L3MBTL4: variants seen among roughly 807,000 people sequenced by gnomAD.
The protein encoded by L3MBTL4 is lethal(3)malignant brain tumor-like protein 4.
In L3MBTL4, 70 loss-of-function variants were observed where a neutral mutation model predicts 84.5. That is an observed-to-expected ratio of 0.83 (90% CI 0.68 to 1.01). The LOEUF (loss-of-function observed/expected upper bound fraction) is 1.01, where lower values mean the gene tolerates loss of function less well. Among genes scored for constraint, L3MBTL4 ranks in the 50% least tolerant of loss-of-function variants. The probability of loss-of-function intolerance (pLI) is 0.00; values close to 1 mark genes in which losing one functional copy is unlikely to be tolerated. For missense variants in L3MBTL4, 715 were observed against 754.8 expected (o/e 0.95, Z 0.62); for synonymous variants, 274 against 259.8 (o/e 1.05, Z -0.52).
chr18:6,181,143 T>C (rs559493804), intron 12 of L3MBTL4, among the ~76,000 whole-genome samples: 2 of 151,594 alleles, frequency 1.3e-5, no homozygotes, highest in Admixed American at 6.5e-5. Flanking sequence ...GACTTTCTGT[T>C]TGAGGTGAGG....
intron 13 of L3MBTL4, among the ~76,000 whole-genome samples, chr18:6,150,098 A>G (rs2042826966): frequency 6.6e-6 from 1 of 152,166 alleles, no homozygotes; most frequent in Admixed American, 6.5e-5. Flanking sequence ...TAAAAGAGAA[A>G]TTTAGTACAT....
chr18:6,286,400 G>C (rs1419697016), intron 4 of L3MBTL4, among the ~76,000 whole-genome samples: 3 of 151,696 alleles, frequency 2.0e-5, no homozygotes, highest in Non-Finnish European at 4.4e-5. Context: ...GGAGGCAGAG[G>C]TTGCAGTGAG....
chr18:6,081,888 C>A lies in L3MBTL4; in HGVS notation c.1374-937G>T, dbSNP rs140887694. ...GTTAGAGATCTCTTAATCATCAAGACTTTTTATCAAAAAAGCAAGAAACCG... is the reference window on the plus strand; with the variant it reads ...GTTAGAGATCTCTTAATCATCAAGAATTTTTATCAAAAAAGCAAGAAACCG... On this transcript the variant is annotated intron_variant, in intron 15 of 18. Coordinates refer to ENST00000317931, the MANE Select transcript of L3MBTL4 (RefSeq NM_001330559.2). Among the ~76,000 whole-genome samples the A allele has an allele frequency of 3.6e-3, 554 of 152,276 alleles. 4 individuals carry two copies. Among genetic ancestry groups the A allele is most frequent in the African/African-American group, 0.013 (539 of 41,544 alleles).
chr18:6,250,902 A>G (rs1031624517), intron 5 of L3MBTL4, among the ~76,000 whole-genome samples: 6 of 152,266 alleles, frequency 3.9e-5, no homozygotes, highest in Non-Finnish European at 1.5e-5. Flanking sequence ...AATTGTTCCA[A>G]TGTGTCCCTT....
At chr18:6,119,263 C>T (rs866685435) in intron 14 of L3MBTL4, among the ~76,000 whole-genome samples, 1 of 151,986 alleles carries the variant, frequency 6.6e-6, no homozygotes, top group Admixed American at 6.6e-5. Context: ...TCTCTGTGAA[C>T]AAAAATTAGG....
intron 16 of L3MBTL4, among the ~76,000 whole-genome samples, chr18:6,035,244 A>G (rs1242014566): frequency 6.6e-6 from 1 of 151,912 alleles, no homozygotes; most frequent in African/African-American, 2.4e-5. Context: ...CCTGAATGGT[A>G]ATGCCTAGGT....
At chr18:6,362,878 G>A in intron 1 of L3MBTL4, among the ~76,000 whole-genome samples, 1 of 152,218 alleles carries the variant, frequency 6.6e-6, no homozygotes, top group East Asian at 1.9e-4. Flanking sequence ...TGGGTTTTTC[G>A]GAGAGAAGGC....
At chr18:6,365,930 G>A (rs1257276252) in intron 1 of L3MBTL4, among the ~76,000 whole-genome samples, 1 of 152,060 alleles carries the variant, frequency 6.6e-6, no homozygotes, top group African/African-American at 2.4e-5. Flanking sequence ...GTATGCACAA[G>A]CTTTGAAAAA....
At chr18:6,314,257 T>C (rs946960847) in intron 1 of L3MBTL4, among the ~76,000 whole-genome samples, 4 of 152,222 alleles carry the variant, frequency 2.6e-5, no homozygotes, top group African/African-American at 7.2e-5. Flanking sequence ...GTCCATGATA[T>C]ATGGCCTACT....
At chr18:6,042,838 G>A (rs995988706) in intron 16 of L3MBTL4, among the ~76,000 whole-genome samples, 22 of 152,044 alleles carry the variant, frequency 1.4e-4, no homozygotes, top group Admixed American at 1.1e-3. Flanking sequence ...TTAATCTCCC[G>A]CTCAAACCTC....
intron 12 of L3MBTL4, among the ~76,000 whole-genome samples, chr18:6,198,837 TTC>T (rs1449787126): frequency 6.6e-6 from 1 of 152,210 alleles, no homozygotes; most frequent in Non-Finnish European, 1.5e-5. Flanking sequence ...CTCAGACATG[TTC>T]TCTTAGTCTG....
chr18:5,958,119 AAG>A (rs1567911846), intron 18 of L3MBTL4, among the ~76,000 whole-genome samples: 1 of 52,632 alleles, frequency 1.9e-5, no homozygotes, highest in Non-Finnish European at 3.8e-5. Context: ...GAAGAAGAAG[AAG>A]AAGAAGAAAA....
chr18:6,000,288 A>G (rs2054157099), intron 16 of L3MBTL4, among the ~76,000 whole-genome samples: 1 of 152,236 alleles, frequency 6.6e-6, no homozygotes, highest in East Asian at 1.9e-4. Flanking sequence ...TAGTGAGGCA[A>G]TTATCTCTAG....
At chr18:6,183,920 C>A (rs115159093) in intron 12 of L3MBTL4, among the ~76,000 whole-genome samples, 2 of 152,068 alleles carry the variant, frequency 1.3e-5, no homozygotes, top group Admixed American at 6.5e-5. Flanking sequence ...AAAAAATACA[C>A]GTTAGTCTAA....
At chr18:6,069,913 A>C (rs2057529162) in intron 16 of L3MBTL4, among the ~76,000 whole-genome samples, 1 of 152,184 alleles carries the variant, frequency 6.6e-6, no homozygotes, top group Admixed American at 6.5e-5. Flanking sequence ...ATAAACAATA[A>C]TTTAATTAAA....
rs866389439 is a variant in L3MBTL4, at chr18:6,392,006, T to C, written c.-91+22795A>G. ...AGAATTAGAACAATCCTAAAATTCA[T>C]ATGGCATGTGGAACCAAAAAGGAGC... is the stretch of plus-strand genomic sequence containing the variant. On this transcript the variant is annotated intron_variant, in intron 1 of 18. Transcript: ENST00000317931. Among the ~76,000 whole-genome samples the C allele has an allele frequency of 1.3e-4, 20 of 152,242 alleles. 1 individual carries two copies. In the South Asian group the frequency reaches 4.1e-3, roughly 32 times the overall value.
chr18:6,126,507 A>G (rs2144425561), intron 14 of L3MBTL4, among the ~76,000 whole-genome samples: 1 of 152,326 alleles, frequency 6.6e-6, no homozygotes, highest in South Asian at 2.1e-4. Flanking sequence ...TTGGCAATTT[A>G]TGTAATTTAG....
intron 4 of L3MBTL4, among the ~76,000 whole-genome samples, chr18:6,294,675 T>C (rs1376135148): frequency 3.3e-5 from 5 of 152,036 alleles, no homozygotes; most frequent in African/African-American, 9.7e-5. Flanking sequence ...CCACTAGAAC[T>C]AAGTGCTGCT....
intron 1 of L3MBTL4, among the ~76,000 whole-genome samples, chr18:6,331,244 AT>A (rs2052017367): frequency 6.6e-6 from 1 of 152,240 alleles, no homozygotes; most frequent in Non-Finnish European, 1.5e-5. Context: ...TCTTTGATTA[AT>A]GACTAATAAA....
Sources: gnomAD v4.1 joint callset for allele counts (sites outside exome capture counted in the v4.1 genomes callset) on GRCh38, gnomAD v4.1.1 for gene constraint, MANE v1.5 for transcripts, NCBI Gene and HGNC (gene_info 2026-07-23, HGNC 2026-07-21) for gene names.